The following ELAVL2 variants were observed in gnomAD, a reference collection of about 807,000 sequenced individuals.
ELAVL2 encodes ELAV-like protein 2.
ELAVL2 carries 4 observed loss-of-function variants against 34.6 expected under a neutral mutation model. That is an observed-to-expected ratio of 0.12 (90% CI 0.06 to 0.26). The LOEUF is 0.26. ELAVL2 is among the 10% of genes least tolerant of loss of function. The probability of loss-of-function intolerance (pLI) is 1.00; values close to 1 mark genes in which losing one functional copy is unlikely to be tolerated. For missense variants in ELAVL2, 432 were observed against 442.8 expected (o/e 0.98, Z 0.22); for synonymous variants, 193 against 154.8 (o/e 1.25, Z -1.83).
intron 2 of ELAVL2, among the ~76,000 whole-genome samples, chr9:23,756,348 G>A (rs1189058694): frequency 6.6e-6 from 1 of 152,014 alleles, no homozygotes; most frequent in East Asian, 1.9e-4. Flanking sequence ...TTTATATTTG[G>A]GTTTTTGTTT....
Position 23,806,650 on chromosome 9 carries a change from G to A in ELAVL2, c.-16+19156C>T, listed in dbSNP as rs181275004. 1.9e-3 allele frequency among the ~76,000 whole-genome samples: 293 copies of A among 151,850 alleles called. 1 individual carries two copies. The highest frequency in any genetic ancestry group is 0.01 in the Middle Eastern group (3 of 292). ...AAAAAAATCAGTAATAAGACAATAA[G>A]ACCCACTATATTCAGAAAACAAAGT... On this transcript the variant is annotated intron_variant, in intron 1 of 6. Transcript: ENST00000397312.
chr9:23,822,820 G>T (rs1227075768), intron 1 of ELAVL2, among the ~76,000 whole-genome samples: 1 of 152,228 alleles, frequency 6.6e-6, no homozygotes, highest in African/African-American at 2.4e-5. Flanking sequence ...CCCAGTCGCC[G>T]CAAGAACGTG....
At chr9:23,715,413 G>A (rs939337522) in intron 3 of ELAVL2, among the ~76,000 whole-genome samples, 6 of 152,196 alleles carry the variant, frequency 3.9e-5, no homozygotes, top group Non-Finnish European at 5.9e-5. Flanking sequence ...CTCCCAAAGC[G>A]CTGGGATTAC....
At chr9:23,813,644 C>A (rs2063320332) in intron 1 of ELAVL2, among the ~76,000 whole-genome samples, 3 of 152,028 alleles carry the variant, frequency 2.0e-5, no homozygotes, top group Admixed American at 2.0e-4. Context: ...TCTAAAATCC[C>A]AGGGGGGGAG....
At chr9:23,801,322 A>G (rs529833799) in intron 1 of ELAVL2, among the ~76,000 whole-genome samples, 6 of 152,292 alleles carry the variant, frequency 3.9e-5, no homozygotes, top group African/African-American at 1.4e-4. Flanking sequence ...CAGGTAGAAG[A>G]TTTTTTAAAG....
At chr9:23,765,156 T>A (rs1415416432) in intron 1 of ELAVL2, 49 of 1,491,654 alleles carry the variant, frequency 3.3e-5, no homozygotes, top group Non-Finnish European at 4.4e-5. Flanking sequence ...ATGCAACAAA[T>A]CAGTTTGTAC....
In ELAVL2 at chr9:23,715,339, G is replaced by A. The variant is rs113224431; in HGVS notation, c.334-10268C>T. 7.5e-4 allele frequency among the ~76,000 whole-genome samples: 114 copies of A among 152,086 alleles called. 2 individuals carry two copies. The highest frequency in any genetic ancestry group is 2.4e-3 in the African/African-American group (100 of 41,490). On this transcript the variant is annotated intron_variant, in intron 3 of 6. Transcript: ENST00000397312. ...AATTTTGTTGTATTTTTGTAGAGAC[G>A]GGGTTTCACAGTGTTAGCCAGAATG...
intron 3 of ELAVL2, among the ~76,000 whole-genome samples, chr9:23,707,293 T>C (rs927273620): frequency 7.2e-5 from 11 of 152,216 alleles, no homozygotes; most frequent in Non-Finnish European, 1.6e-4. Flanking sequence ...CAATGAAAAC[T>C]TAATTTCTTT....
intron 5 of ELAVL2, among the ~76,000 whole-genome samples, chr9:23,698,973 C>G (rs1238609157): frequency 6.6e-6 from 1 of 152,172 alleles, no homozygotes; most frequent in Non-Finnish European, 1.5e-5. Flanking sequence ...AGTTAAAAAT[C>G]TGAAGAGAGA....
the ELAVL2 span, among the ~76,000 whole-genome samples, chr9:23,848,339 T>C: frequency 9.9e-5 from 15 of 152,212 alleles, no homozygotes; most frequent in African/African-American, 3.4e-4. Context: ...TAAAATACTA[T>C]ATTCTAATCT....
At chr9:23,760,430 C>A (rs2054704066) in intron 2 of ELAVL2, among the ~76,000 whole-genome samples, 1 of 151,878 alleles carries the variant, frequency 6.6e-6, no homozygotes, top group Non-Finnish European at 1.5e-5. Context: ...ATATTTTTAT[C>A]TTTTATATTA....
At chr9:23,715,453 G>A (rs934563837) in intron 3 of ELAVL2, among the ~76,000 whole-genome samples, 2 of 152,204 alleles carry the variant, frequency 1.3e-5, no homozygotes, top group Non-Finnish European at 2.9e-5. Context: ...CAGCTAGGAG[G>A]TTGTTCTGAA....
intron 2 of ELAVL2, among the ~76,000 whole-genome samples, chr9:23,742,975 G>A (rs1192159861): frequency 1.3e-5 from 2 of 152,018 alleles, no homozygotes; most frequent in South Asian, 2.1e-4. Context: ...TGAGTATAAA[G>A]GAAACCTATT....
chr9:23,725,741 A>T (rs2044961273), intron 3 of ELAVL2, among the ~76,000 whole-genome samples: 1 of 152,190 alleles, frequency 6.6e-6, no homozygotes, highest in Admixed American at 6.6e-5. Context: ...AGAAGAAGGC[A>T]ATTAAAATTA....
intron 3 of ELAVL2, among the ~76,000 whole-genome samples, chr9:23,714,951 G>A (rs2041922650): frequency 6.6e-6 from 1 of 152,118 alleles, no homozygotes; most frequent in Non-Finnish European, 1.5e-5. Context: ...AGTATTTTGA[G>A]CCTTCTTAAA....
intron 1 of ELAVL2, among the ~76,000 whole-genome samples, chr9:23,780,457 T>C (rs2058909586): frequency 6.6e-6 from 1 of 152,212 alleles, no homozygotes; most frequent in South Asian, 2.1e-4. Flanking sequence ...TTGTTGAAAG[T>C]TTATAATATT....
At chr9:23,806,505 A>G (rs1001916752) in intron 1 of ELAVL2, among the ~76,000 whole-genome samples, 1 of 152,062 alleles carries the variant, frequency 6.6e-6, no homozygotes, top group Non-Finnish European at 1.5e-5. Context: ...GTTGCAGTAA[A>G]GCATGCCTAT....
At chr9:23,752,844 GAAC>G (rs144479096) in intron 2 of ELAVL2, among the ~76,000 whole-genome samples, 3,533 of 152,144 alleles carry the variant, frequency 0.023, 214 homozygotes, top group Admixed American at 0.13. Flanking sequence ...TTCTAATTTA[GAAC>G]AATACAGAAT....
intron 2 of ELAVL2, among the ~76,000 whole-genome samples, chr9:23,752,720 G>T (rs1197779517): frequency 1.3e-5 from 2 of 152,080 alleles, no homozygotes; most frequent in African/African-American, 4.8e-5. Flanking sequence ...CTCCCAAAGT[G>T]CTGGAATTAC....
Sources: allele counts gnomAD v4.1 joint callset (sites outside exome capture counted in the v4.1 genomes callset), GRCh38; gene constraint gnomAD v4.1.1; transcripts MANE v1.5; gene names NCBI Gene and HGNC (gene_info 2026-07-23, HGNC 2026-07-21).